ITIH2: variants seen among roughly 807,000 people sequenced by gnomAD.
The protein encoded by ITIH2 is inter-alpha-trypsin inhibitor heavy chain 2.
ITIH2 carries 103 observed loss-of-function variants against 104.4 expected under a neutral mutation model. The observed-to-expected ratio is 0.99, with a 90% CI of 0.84 to 1.16. The LOEUF (loss-of-function observed/expected upper bound fraction) is 1.16. Ranked by LOEUF, ITIH2 falls within the 50% of genes most tolerant of loss-of-function variation. ITIH2 has a pLI of 0.00. For synonymous variants in ITIH2, 436 were observed against 435.4 expected (o/e 1.00, Z -0.02); for missense variants, 1,108 against 1,162.4 (o/e 0.95, Z 0.68).
intron 1 of ITIH2, among the ~76,000 whole-genome samples, chr10:7,704,831 C>T (rs764419019): frequency 6.6e-6 from 1 of 151,540 alleles, no homozygotes; most frequent in Non-Finnish European, 1.5e-5. Context: ...AGGGAAAACC[C>T]AACACCGCAT....
At position 7,713,268 on chromosome 10, in the gene ITIH2, G is replaced by A; in HGVS notation, c.450G>A (p.Lys150=). The A allele has an allele frequency of 6.2e-7, 1 of 1,614,068 alleles. No homozygotes were observed. Among genetic ancestry groups the A allele is most frequent in the Non-Finnish European group, 8.5e-7 (1 of 1,179,932 alleles). The change falls in exon 5 of 21, where the codon AAG becomes AAA. Residue 150 remains lysine, a synonymous_variant. Transcript: ENST00000358415. ...ATGCACAGGCCAGAGCAAAAGGCAA[G>A]ACGGCTGGCTTGGTGAGGTAAGGCC... ...ALYAQARAKG[K]TAGLVRSSAL...
At position 7,730,133 on chromosome 10, in the gene ITIH2, G is replaced by A. The variant is rs1834988132; in HGVS notation, c.1461G>A (p.Lys487=). 1 of 1,586,590 alleles carries A rather than the reference G, an allele frequency of 6.3e-7. No individual in the cohort carries two copies. Among genetic ancestry groups the A allele is most frequent in the Non-Finnish European group, 8.6e-7 (1 of 1,168,822 alleles). The part of the protein sequence containing the change: ...YGNQDTSSQL[K]KFYNQVSTPL... ...ACCAGGACACGTCTTCCCAGCTTAA[G>A]GTAACATTTTCTTCTGTTCTTTTTT... Residue 487 remains lysine (K), a splice_region_variant and synonymous_variant, in exon 12 of 21, where the codon AAG becomes AAA. Coordinates refer to ENST00000358415, the MANE Select transcript of ITIH2 (RefSeq NM_002216.3).
At position 7,749,277 on chromosome 10, in the gene ITIH2, C is replaced by A. The variant is rs143731868; in HGVS notation, c.2784C>A (p.Asp928Glu). 3 of 1,614,050 alleles carry A rather than the reference C, an allele frequency of 1.9e-6. No homozygotes were observed. Among genetic ancestry groups the A allele is most frequent in the Non-Finnish European group, 1.7e-6 (2 of 1,179,972 alleles). ...ACAACAGTGGAAAAGGATTCATTGA[C>A]GGGCATTACAAGGATTACTTCGTGC... ...FVHNSGKGFI[D>E]GHYKDYFVPQ... Residue 928 changes from aspartate (D) to glutamate (E), a missense_variant, in exon 21 of 21, where the codon GAC (aspartate) becomes GAA (glutamate). Coordinates refer to ENST00000358415, the MANE Select transcript of ITIH2 (RefSeq NM_002216.3).
At chr10:7,721,295 T>C (rs931902316) in intron 7 of ITIH2, among the ~76,000 whole-genome samples, 1 of 152,222 alleles carries the variant, frequency 6.6e-6, no homozygotes, top group Non-Finnish European at 1.5e-5. Context: ...GCTCTCTGCC[T>C]CAATGACCAG....
intron 7 of ITIH2, 32 bp downstream of exon 7, chr10:7,720,995 C>T (rs1834897081): frequency 7.7e-7 from 1 of 1,296,008 alleles, no homozygotes; most frequent in Non-Finnish European, 1.1e-6. Flanking sequence ...GCCAGGCATT[C>T]ACAGGGCCTC....
At chr10:7,704,986 G>A (rs1342356009) in intron 1 of ITIH2, 122 bp from the exon 2 acceptor site, 1 of 611,210 alleles carries the variant, frequency 1.6e-6, no homozygotes, top group East Asian at 3.0e-5. Flanking sequence ...TGAGTTAATG[G>A]GTGTAGCAAA....
At chr10:7,738,522 A>T in intron 15 of ITIH2, 99 bp from the exon 16 acceptor site, 1 of 1,360,510 alleles carries the variant, frequency 7.4e-7, no homozygotes, top group Admixed American at 1.8e-5. Context: ...ACCTAAGCTG[A>T]CAATACCTGG....
intron 15 of ITIH2, 71 bp downstream of exon 15, chr10:7,735,162 G>T (rs754024443): frequency 3.0e-5 from 42 of 1,398,174 alleles, no homozygotes; most frequent in Non-Finnish European, 3.8e-5. Flanking sequence ...AAGTCCTAGT[G>T]CCTCCGCTCT....
rs757837226 is a variant in ITIH2, at chr10:7,732,308, T to C, written c.1648-30T>C. The C allele has an allele frequency of 1.9e-6, 3 of 1,599,180 alleles. No homozygotes were observed. The African/African-American group carries it at 4.0e-5, about 21-fold the overall frequency. The stretch of plus-strand genomic sequence containing the variant: ...AATGAACTATAATTCTGTTACCCAG[T>C]GTCTCTCAACTGAACCTTCCATCAT... On this transcript the variant is annotated intron_variant, in intron 13 of 20. Coordinates refer to ENST00000358415, the MANE Select transcript of ITIH2 (RefSeq NM_002216.3).
At chr10:7,727,915 G>C (rs1332969532) in intron 11 of ITIH2, 87 bp downstream of exon 11, 1 of 1,441,458 alleles carries the variant, frequency 6.9e-7, no homozygotes, top group Non-Finnish European at 9.6e-7. Flanking sequence ...AACTCTAATG[G>C]CATTTGCCTG....
intron 4 of ITIH2, among the ~76,000 whole-genome samples, chr10:7,711,094 C>G (rs1834793176): frequency 6.6e-6 from 1 of 152,084 alleles, no homozygotes. Flanking sequence ...CCCCTTGCCC[C>G]CTACCGCCCG....
chr10:7,712,453 G>A (rs185630601), intron 4 of ITIH2, among the ~76,000 whole-genome samples: 4 of 152,264 alleles, frequency 2.6e-5, no homozygotes, highest in South Asian at 2.1e-4. Context: ...ACCCCACAGC[G>A]ATGCCAAATT....
At chr10:7,739,509 A>G (rs774745082) in intron 16 of ITIH2, among the ~76,000 whole-genome samples, 1 of 152,166 alleles carries the variant, frequency 6.6e-6, no homozygotes, top group Non-Finnish European at 1.5e-5. Context: ...GGAAAGCCTC[A>G]AAGCTGGTTC....
chr10:7,717,831 A>G, intron 6 of ITIH2, 43 bp downstream of exon 6: 1 of 1,571,014 alleles, frequency 6.4e-7, no homozygotes, highest in Non-Finnish European at 8.7e-7. Context: ...CTGTCCTTTT[A>G]TAGTCTCTGA....
chr10:7,749,188 G>A lies in ITIH2; in HGVS notation c.2695G>A (p.Gly899Ser). The change falls in exon 21 of 21, where the codon GGC (glycine) becomes AGC (serine). Residue 899 changes from glycine to serine, a missense_variant and splice_region_variant. Gly to Ser is a moderately conservative substitution (Grantham distance 56). Coordinates refer to ENST00000358415, the MANE Select transcript of ITIH2 (RefSeq NM_002216.3). Reference sequence around the variant, plus strand: ...ACCACATGCCTTGCTTCCTTGCAGGGGCTTACAGAAAGACTACAGAACGGA... The same window carrying A: ...ACCACATGCCTTGCTTCCTTGCAGGAGCTTACAGAAAGACTACAGAACGGA... ...VKGQKLIITR[G>S]LQKDYRTDLV... The A allele has an allele frequency of 6.2e-7, 1 of 1,614,002 alleles. No individual in the cohort carries two copies.
chr10:7,735,476 G>A (rs1835045892), intron 15 of ITIH2, among the ~76,000 whole-genome samples: 1 of 152,058 alleles, frequency 6.6e-6, no homozygotes, highest in Admixed American at 6.6e-5. Context: ...GAGGCAGGAG[G>A]ATCTCTCGAG....
At chr10:7,724,678 G>T (rs1219646534) in intron 9 of ITIH2, among the ~76,000 whole-genome samples, 5 of 151,696 alleles carry the variant, frequency 3.3e-5, no homozygotes, top group Admixed American at 6.6e-5. Context: ...CCCAGGCAGG[G>T]TTTCTCAGCA....
At chr10:7,733,920 G>C (rs551656963) in intron 14 of ITIH2, among the ~76,000 whole-genome samples, 4 of 151,856 alleles carry the variant, frequency 2.6e-5, no homozygotes, top group African/African-American at 9.7e-5. Flanking sequence ...TGACTGTGAA[G>C]TAAACGAGAA....
chr10:7,738,765 C>A lies in ITIH2; in HGVS notation c.2095+7C>A, dbSNP rs762888189. On this transcript the variant is annotated splice_region_variant and intron_variant, in intron 16 of 20. Coordinates refer to ENST00000358415, the MANE Select transcript of ITIH2 (RefSeq NM_002216.3). ...CCCCCACATGTGATGAGAGGTAACG[C>A]TTCTACACTGCTTGCACGTCCCAGA... 1 of 1,590,678 alleles carries A rather than the reference C, an allele frequency of 6.3e-7. No homozygotes were observed. Among genetic ancestry groups the A allele is most frequent in the Admixed American group, 1.8e-5 (1 of 57,064 alleles).
Sources: allele counts gnomAD v4.1 joint callset (sites outside exome capture counted in the v4.1 genomes callset), GRCh38; gene constraint gnomAD v4.1.1; transcripts MANE v1.5; gene names NCBI Gene and HGNC (gene_info 2026-07-23, HGNC 2026-07-21).